Variants in GOLGA1 observed in about 807,000 individuals in gnomAD.
GOLGA1 encodes golgin subfamily A member 1.
GOLGA1 carries 63 observed loss-of-function variants against 119.7 expected under a neutral mutation model. The observed-to-expected ratio is 0.53, with a 90% CI of 0.43 to 0.65. The LOEUF (loss-of-function observed/expected upper bound fraction) is 0.65, where lower values mean the gene tolerates loss of function less well. Ranked by LOEUF, GOLGA1 falls within the 30% of genes least tolerant of loss-of-function variation. The pLI is 0.00. For missense variants in GOLGA1, 798 were observed against 912.8 expected, an observed-to-expected ratio of 0.87 and a Z score of 1.62; for synonymous variants, 318 against 333.4, an observed-to-expected ratio of 0.95 and a Z score of 0.50.
At chr9:124,932,418 G>A (rs1247086101) in intron 3 of GOLGA1, among the ~76,000 whole-genome samples, 2 of 152,190 alleles carry the variant, frequency 1.3e-5, no homozygotes, top group African/African-American at 2.4e-5. Context: ...ACAGTTAAGA[G>A]GAGAGTCTCT....
chr9:124,941,488 C>G (rs1004964571), upstream of GOLGA1, among the ~76,000 whole-genome samples: 1 of 152,234 alleles, frequency 6.6e-6, no homozygotes, highest in Non-Finnish European at 1.5e-5. Flanking sequence ...CCGGTCCCGC[C>G]GCACCCTAGG....
rs184743929 is a variant in GOLGA1 at position 124,917,762 on chromosome 9, C to T, written c.843+3367G>A. ...TGCTGTTCCCTGCTTGAAATTCTCT[C>T]CCATCATCCCTTTCTCTCCAGCCTG... On this transcript the variant is annotated intron_variant, in intron 10 of 22. Coordinates refer to ENST00000373555, the MANE Select transcript of GOLGA1 (RefSeq NM_002077.4). Among the ~76,000 whole-genome samples, 5 of 152,296 alleles carry T rather than the reference C, an allele frequency of 3.3e-5. No homozygotes were observed. The East Asian group carries it at 9.6e-4, about 29-fold the overall frequency.
At chr9:124,934,516 G>A (rs1394107283) in intron 3 of GOLGA1, among the ~76,000 whole-genome samples, 1 of 152,196 alleles carries the variant, frequency 6.6e-6, no homozygotes, top group Non-Finnish European at 1.5e-5. Flanking sequence ...TGCAAAAATT[G>A]TAAGCATGAA....
chr9:124,896,242 T>C (rs1829984269), intron 15 of GOLGA1, among the ~76,000 whole-genome samples: 1 of 152,016 alleles, frequency 6.6e-6, no homozygotes. Flanking sequence ...GGTGAAACCC[T>C]GTCTCTACCA....
chr9:124,940,781 CGGA>C (rs1431810342), intron 1 of GOLGA1, among the ~76,000 whole-genome samples, 187 bp downstream of exon 1: 1 of 152,204 alleles, frequency 6.6e-6, no homozygotes, highest in East Asian at 1.9e-4. Context: ...GGAGGAATCC[CGGA>C]ACCCTAGGCT....
In GOLGA1 at chr9:124,946,551, G is replaced by A. The variant is rs10986488; in HGVS notation, c.-156+1367C>T. 1 of 152,026 alleles carries A rather than the reference G, an allele frequency of 6.6e-6. No individual in the cohort carries two copies. The highest frequency in any genetic ancestry group is 2.4e-5 in the African/African-American group (1 of 41,406). The allele number at this position is 152,026 out of a possible 1,614,324, so 9.4% of individuals were successfully genotyped here. A position where few individuals can be genotyped will look rare whatever the true frequency, so the allele number is the denominator to read the frequency against. Reference sequence around the variant, plus strand: ...TAATTTCTGCAGTGAATGTATTTAAGTGTATATTAAACATCTCCTACACTC... The same window carrying A: ...TAATTTCTGCAGTGAATGTATTTAAATGTATATTAAACATCTCCTACACTC... On this transcript the variant is annotated intron_variant, in intron 1 of 4. Transcript: ENST00000421514. The surrounding 1 kb of genome is among the most constrained non-coding windows in gnomAD (Gnocchi z 4.0).
chr9:124,916,192 G>A (rs1008581542), intron 10 of GOLGA1, among the ~76,000 whole-genome samples: 13 of 151,304 alleles, frequency 8.6e-5, no homozygotes, highest in African/African-American at 2.7e-4. Flanking sequence ...AAAATATTGT[G>A]TTAAGTACAA....
Position 124,898,578 on chromosome 9 carries a change from T to G in GOLGA1, c.1378A>C (p.Asn460His). The change falls in exon 15 of 23, where the codon AAT (asparagine) becomes CAT (histidine). Residue 460 changes from asparagine (N) to histidine (H), a missense_variant. Physicochemically the swap from Asn to His is moderately conservative, Grantham distance 68. Transcript: ENST00000373555. ...CRNEYERSLQ[N>H]HQFELKKLKE... The stretch of plus-strand genomic sequence containing the variant: ...AGCTTCTTTAGTTCAAATTGGTGAT[T>G]TTGTAAAGAACGTTCATATTCATTC... 1 of 1,606,256 alleles carries G rather than the reference T, an allele frequency of 6.2e-7. No homozygotes were observed. Among genetic ancestry groups the G allele is most frequent in the Non-Finnish European group, 8.5e-7 (1 of 1,173,506 alleles).
intron 19 of GOLGA1, among the ~76,000 whole-genome samples, chr9:124,882,779 T>A (rs1333425890): frequency 1.3e-5 from 2 of 152,144 alleles, no homozygotes; most frequent in Admixed American, 1.3e-4. Flanking sequence ...TTTCACACGC[T>A]TGAGTCTCCA....
chr9:124,938,657 G>C lies in GOLGA1; in HGVS notation c.55C>G (p.Pro19Ala). ...IAEETAVAQR[P>A]GGATRIPRSV... is the part of the protein sequence containing the mutation. ...CGTGGGATCCTAGTAGCACCTCCTG[G>C]CCTCTGAGCAACAGCAGTCTCTTCT... The change falls in exon 3 of 23, where the codon CCA (proline) becomes GCA (alanine). Residue 19 changes from proline to alanine, a missense_variant. By Grantham distance (27) the Pro-to-Ala change is conservative. Coordinates refer to ENST00000373555, the MANE Select transcript of GOLGA1 (RefSeq NM_002077.4). The C allele has an allele frequency of 1.9e-6, 3 of 1,613,012 alleles. No homozygotes were observed. The highest frequency in any genetic ancestry group is 2.5e-6 in the Non-Finnish European group (3 of 1,179,130).
rs557307369 is a variant in GOLGA1, at chr9:124,881,985, G to A, written c.1966-31C>T. ...AAACCAGTGGGAAAGATGCTACACC[G>A]AACCCTCTGAGACAGGTGGAAAAAA... On this transcript the variant is annotated intron_variant, in intron 20 of 22. Coordinates refer to ENST00000373555, the MANE Select transcript of GOLGA1 (RefSeq NM_002077.4). The surrounding 1 kb of genome is among the most constrained non-coding windows in gnomAD (Gnocchi z 4.9). 173 of 1,535,560 alleles carry A rather than the reference G, an allele frequency of 1.1e-4. 2 individuals carry two copies. The South Asian group carries it at 1.5e-3, about 13-fold the overall frequency.
At chr9:124,919,473 G>A (rs1332075149) in intron 10 of GOLGA1, among the ~76,000 whole-genome samples, 1 of 152,138 alleles carries the variant, frequency 6.6e-6, no homozygotes, top group Non-Finnish European at 1.5e-5. Context: ...TTTACTGGGT[G>A]CTCCTTATTG....
At chr9:124,931,128 A>C in intron 4 of GOLGA1, among the ~76,000 whole-genome samples, 188 bp downstream of exon 4, 1 of 152,210 alleles carries the variant, frequency 6.6e-6, no homozygotes, top group Non-Finnish European at 1.5e-5. Flanking sequence ...ATAAACTTTC[A>C]AATTCAGTTT....
rs1025905299 is a variant in GOLGA1, at chr9:124,888,406, G to A, written c.1762-10C>T. 1 of 1,613,582 alleles carries A rather than the reference G, an allele frequency of 6.2e-7. No individual in the cohort carries two copies. The highest frequency in any genetic ancestry group is 1.1e-5 in the South Asian group (1 of 91,058). ...TGGCCCTCGAGGTCACCTACAAGGT[G>A]GCAGCAGCAAATTGAGAGCCAGGAC... is the stretch of plus-strand genomic sequence containing the variant. On this transcript the variant is annotated splice_polypyrimidine_tract_variant and intron_variant, in intron 18 of 22. Coordinates refer to ENST00000373555, the MANE Select transcript of GOLGA1 (RefSeq NM_002077.4). The surrounding 1 kb of genome is among the most constrained non-coding windows in gnomAD (Gnocchi z 4.4).
At position 124,928,286 on chromosome 9, in the gene GOLGA1, C is replaced by G; in HGVS notation, c.302-1G>C. On this transcript the variant is annotated splice_acceptor_variant, in intron 5 of 22. Coordinates refer to ENST00000373555, the MANE Select transcript of GOLGA1 (RefSeq NM_002077.4). LOFTEE classifies it high-confidence loss of function. ...TGCTCTTGAAATTTCCGCATGGAAG[C>G]TGTTAACAAAGAGGCTCTATTTGAG... 1 of 1,559,418 alleles carries G rather than the reference C, an allele frequency of 6.4e-7. No homozygotes were observed. The highest frequency in any genetic ancestry group is 2.3e-5 in the East Asian group (1 of 44,378).
intron 2 of GOLGA1, among the ~76,000 whole-genome samples, chr9:124,939,099 G>A (rs1830941602): frequency 6.6e-6 from 1 of 151,932 alleles, no homozygotes; most frequent in Admixed American, 6.6e-5. Flanking sequence ...CTAAGTGGAA[G>A]GGCTGGTATT....
At chr9:124,941,855 A>C (rs1480047519), upstream of GOLGA1, among the ~76,000 whole-genome samples, 1 of 152,230 alleles carries the variant, frequency 6.6e-6, no homozygotes, top group Non-Finnish European at 1.5e-5. Flanking sequence ...CCGAGGTGGG[A>C]GGATCTCTTG....
Position 124,898,673 on chromosome 9 carries a change from G to C in GOLGA1, c.1312-29C>G, listed in dbSNP as rs776980033. The stretch of plus-strand genomic sequence containing the variant: ...CCAATTCAGAAGAACACATATAAAA[G>C]AAGTCTTCACTACCATATTTCCCTG... On this transcript the variant is annotated intron_variant, in intron 14 of 22. Coordinates refer to ENST00000373555, the MANE Select transcript of GOLGA1 (RefSeq NM_002077.4). The C allele has an allele frequency of 7.4e-6, 10 of 1,356,894 alleles. No homozygotes were observed. In the South Asian group the frequency reaches 9.4e-5, roughly 13 times the overall value. The allele number at this position is 1,356,894 out of a possible 1,614,324, so 84.1% of individuals were successfully genotyped here.
At chr9:124,904,123 T>C (rs1830168777) in intron 12 of GOLGA1, among the ~76,000 whole-genome samples, 1 of 147,280 alleles carries the variant, frequency 6.8e-6, no homozygotes, top group African/African-American at 2.5e-5. Flanking sequence ...AAGTCTGACA[T>C]ATGCTACAAC....
Sources: allele counts gnomAD v4.1 joint callset (sites outside exome capture counted in the v4.1 genomes callset), GRCh38; gene constraint gnomAD v4.1.1; non-coding constraint Gnocchi (gnomAD v3.1); transcripts MANE v1.5; gene names NCBI Gene and HGNC (gene_info 2026-07-23, HGNC 2026-07-21).